Variants in FAM227B observed in about 807,000 individuals in gnomAD.
FAM227B encodes the protein family with sequence similarity 227 member B.
A neutral mutation model predicts 73.8 loss-of-function variants in FAM227B; 88 were observed. That is an observed-to-expected ratio of 1.19 (90% CI 1.00 to 1.42). FAM227B has a LOEUF of 1.42. FAM227B is among the 40% of genes most tolerant of loss of function. The probability of loss-of-function intolerance (pLI) is 0.00; values close to 1 mark genes in which losing one functional copy is unlikely to be tolerated. For missense variants in FAM227B, 632 were observed against 590.9 expected (o/e 1.07, Z -0.72); for synonymous variants, 210 against 190.5 (o/e 1.10, Z -0.84).
intron 9 of FAM227B, among the ~76,000 whole-genome samples, chr15:49,558,552 A>C (rs1234797394): frequency 6.6e-6 from 1 of 151,660 alleles, no homozygotes; most frequent in Non-Finnish European, 1.5e-5. Context: ...TGAAAACCCA[A>C]CTCCCACAGG....
chr15:49,535,020 T>C (rs1439685826), intron 10 of FAM227B, among the ~76,000 whole-genome samples: 1 of 151,464 alleles, frequency 6.6e-6, no homozygotes, highest in Non-Finnish European at 1.5e-5. Flanking sequence ...CATTATGCCT[T>C]AAGGAACTAG....
chr15:49,487,904 T>TC (rs986211177), intron 11 of FAM227B: 1 of 151,954 alleles, frequency 6.6e-6, no homozygotes, highest in Non-Finnish European at 1.5e-5. Flanking sequence ...ACATCCCTAC[T>TC]CCACTGCCAT....
chr15:49,463,099 A>G (rs76974187), intron 11 of FAM227B, among the ~76,000 whole-genome samples: 3,080 of 152,262 alleles, frequency 0.02, 48 homozygotes, highest in South Asian at 0.076. Context: ...CTCTCTCCCA[A>G]TCCTGACGAT....
At chr15:49,560,720 T>C (rs1354079239) in intron 9 of FAM227B, among the ~76,000 whole-genome samples, 3 of 152,182 alleles carry the variant, frequency 2.0e-5, no homozygotes, top group Non-Finnish European at 4.4e-5. Flanking sequence ...TGGAGGTCTA[T>C]TTTCAGCACT....
At chr15:49,410,140 T>C (rs1295780463) in intron 11 of FAM227B, among the ~76,000 whole-genome samples, 2 of 152,194 alleles carry the variant, frequency 1.3e-5, no homozygotes, top group Non-Finnish European at 2.9e-5. Context: ...CCCTATTTAT[T>C]TTTTGCATCC....
At chr15:49,509,355 A>C (rs887897835) in intron 10 of FAM227B, among the ~76,000 whole-genome samples, 2 of 152,204 alleles carry the variant, frequency 1.3e-5, no homozygotes, top group African/African-American at 2.4e-5. Context: ...AAAGTATCAG[A>C]ATATAGAAAA....
chr15:49,398,213 A>G (rs2047850036), intron 11 of FAM227B, among the ~76,000 whole-genome samples: 1 of 152,164 alleles, frequency 6.6e-6, no homozygotes, highest in African/African-American at 2.4e-5. Flanking sequence ...CTCTGATACA[A>G]CAGACTTTAA....
chr15:49,577,760 A>G, intron 5 of FAM227B, 96 bp from the exon 6 acceptor site: 1 of 666,064 alleles, frequency 1.5e-6, no homozygotes, highest in Non-Finnish European at 2.5e-6. Flanking sequence ...ATAGATAACT[A>G]TAGATATATG....
At chr15:49,489,821 T>TA in intron 11 of FAM227B, among the ~76,000 whole-genome samples, 2 of 27,936 alleles carry the variant, frequency 7.2e-5, no homozygotes, top group Admixed American at 5.2e-4. Context: ...ATATATATAT[T>TA]TTATATATAT....
chr15:49,395,418 G>C (rs533713304), intron 11 of FAM227B, among the ~76,000 whole-genome samples: 1 of 152,306 alleles, frequency 6.6e-6, no homozygotes, highest in South Asian at 2.1e-4. Context: ...GGGCAAGGGA[G>C]AGGCTAAAAT....
chr15:49,564,861 G>A (rs564186795), intron 9 of FAM227B, among the ~76,000 whole-genome samples: 1 of 151,836 alleles, frequency 6.6e-6, no homozygotes, highest in African/African-American at 2.4e-5. Flanking sequence ...GGTGTTGGGG[G>A]TGAGGACTGA....
At chr15:49,335,379 G>T in intron 14 of FAM227B, 40 bp downstream of exon 14, 1 of 1,326,774 alleles carries the variant, frequency 7.5e-7, no homozygotes, top group Non-Finnish European at 1.1e-6. Context: ...TTCTAAAAAA[G>T]TATTATTTTA....
In FAM227B at chr15:49,331,798, C is replaced by T; in HGVS notation, c.1401G>A (p.Glu467=). Residue 467 remains glutamate (E), a synonymous_variant, in exon 15 of 16, where the codon GAG becomes GAA. Transcript: ENST00000299338. ...KKPHEVKQDF[E]KFLHKLRSEA... is the part of the protein sequence containing the mutation. ...AACCTACCAGTTTATGTAGGAACTT[C>T]TCAAAGTCCTGTTTCACTTCATGAG... is the stretch of plus-strand genomic sequence containing the variant. 1 of 1,608,574 alleles carries T rather than the reference C, an allele frequency of 6.2e-7. No individual in the cohort carries two copies. Among genetic ancestry groups the T allele is most frequent in the Non-Finnish European group, 8.5e-7 (1 of 1,175,038 alleles).
intron 11 of FAM227B, among the ~76,000 whole-genome samples, chr15:49,408,905 T>C (rs2048697118): frequency 6.6e-6 from 1 of 152,130 alleles, no homozygotes; most frequent in African/African-American, 2.4e-5. Context: ...GTCTGATACA[T>C]AGTAGGAGGT....
At chr15:49,584,661 C>A (rs2076035442) in intron 5 of FAM227B, among the ~76,000 whole-genome samples, 1 of 152,144 alleles carries the variant, frequency 6.6e-6, no homozygotes, top group Non-Finnish European at 1.5e-5. Context: ...TCAGCGAAGT[C>A]TCAGGATACA....
intron 11 of FAM227B, chr15:49,422,285 C>T: frequency 6.0e-6 from 1 of 165,936 alleles, no homozygotes; most frequent in South Asian, 1.8e-4. Context: ...CACCAAGAAT[C>T]TAATACAACA....
intron 11 of FAM227B, among the ~76,000 whole-genome samples, chr15:49,430,913 A>G (rs530153658): frequency 6.8e-6 from 1 of 148,034 alleles, no homozygotes; most frequent in East Asian, 2.0e-4. Context: ...GATCAGAGAA[A>G]AGACATAAAG....
At position 49,328,276 on chromosome 15, in the gene FAM227B, A is replaced by G. The variant is rs2037878172; in HGVS notation, c.*292T>C. 2 of 1,442,616 alleles carry G rather than the reference A, an allele frequency of 1.4e-6. No individual in the cohort carries two copies. The highest frequency in any genetic ancestry group is 9.1e-7 in the Non-Finnish European group (1 of 1,099,204). The allele number at this position is 1,442,616 out of a possible 1,614,324, so 89.4% of individuals were successfully genotyped here. ...TGTATTATGATGAACGGTTGCTATT[A>G]TATCAAGATATATTTTCAAAGAAAT... On this transcript the variant is annotated 3_prime_UTR_variant, in exon 16 of 16. Transcript: ENST00000299338.
chr15:49,602,523 TTATA>T (rs953479155), intron 3 of FAM227B, among the ~76,000 whole-genome samples: 3 of 152,206 alleles, frequency 2.0e-5, no homozygotes, highest in Non-Finnish European at 2.9e-5. Flanking sequence ...CTTAAGCTCC[TTATA>T]TATTCTGGTT....
Sources: gnomAD v4.1 joint callset for allele counts (sites outside exome capture counted in the v4.1 genomes callset) on GRCh38, gnomAD v4.1.1 for gene constraint, MANE v1.5 for transcripts, NCBI Gene and HGNC (gene_info 2026-07-23, HGNC 2026-07-21) for gene names.